The following AK8 variants were observed in gnomAD, a reference collection of about 807,000 sequenced individuals.
AK8 encodes the protein ATP-AMP transphosphorylase 8.
Under a neutral mutation model 54.6 loss-of-function variants are expected in AK8, and 44 were observed. The observed-to-expected ratio is 0.81, with a 90% CI of 0.63 to 1.04. The LOEUF is 1.04. Ranked by LOEUF, AK8 falls within the 50% of genes least tolerant of loss-of-function variation. The pLI is 0.00. For synonymous variants in AK8, 239 were observed against 245.6 expected (o/e 0.97, Z 0.25); for missense variants, 555 against 613.6 (o/e 0.90, Z 1.01).
At position 132,854,593 on chromosome 9, in the gene AK8, T is replaced by G. The variant is rs567337413; in HGVS notation, c.402+264A>C. On this transcript the variant is annotated intron_variant, in intron 5 of 12. Coordinates refer to ENST00000298545, the MANE Select transcript of AK8 (RefSeq NM_152572.3). ...CCCTCCCATGCTTCTGCGATTGTCC[T>G]GTCATTAAATGCTTTCCTGTGACCC... Among the ~76,000 whole-genome samples the G allele has an allele frequency of 1.3e-5, 2 of 152,378 alleles. 1 individual carries two copies. The highest frequency in any genetic ancestry group is 1.3e-4 in the Admixed American group (2 of 15,308).
chr9:132,829,130 G>C (rs530498750), intron 5 of AK8, among the ~76,000 whole-genome samples: 1 of 152,040 alleles, frequency 6.6e-6, no homozygotes, highest in South Asian at 2.1e-4. Context: ...CTAATTTTTT[G>C]TATTTTTAGT....
At chr9:132,848,360 A>C (rs1412565875) in intron 5 of AK8, among the ~76,000 whole-genome samples, 1 of 152,002 alleles carries the variant, frequency 6.6e-6, no homozygotes, top group African/African-American at 2.4e-5. Context: ...GGCACTTCCT[A>C]GGTAAAAGAG....
At chr9:132,850,896 T>TA (rs1842946964) in intron 5 of AK8, among the ~76,000 whole-genome samples, 4 of 128,566 alleles carry the variant, frequency 3.1e-5, no homozygotes, top group East Asian at 4.5e-4. Context: ...GTAGGTGCAT[T>TA]TAAAAAAAAA....
intron 11 of AK8, among the ~76,000 whole-genome samples, chr9:132,743,844 G>A (rs914517338): frequency 3.9e-5 from 6 of 152,234 alleles, no homozygotes; most frequent in African/African-American, 1.4e-4. Flanking sequence ...GGCTCTGAGA[G>A]GTGAAGTGTT....
intron 11 of AK8, among the ~76,000 whole-genome samples, chr9:132,738,752 C>CTTTTTT (rs754082140): frequency 8.3e-6 from 1 of 120,806 alleles, no homozygotes; most frequent in Admixed American, 8.9e-5. Context: ...ATGTTCATGA[C>CTTTTTT]TTTTTTTTTT....
intron 10 of AK8, among the ~76,000 whole-genome samples, chr9:132,798,000 AC>A (rs1465233490): frequency 3.3e-5 from 5 of 152,230 alleles, no homozygotes; most frequent in African/African-American, 1.2e-4. Flanking sequence ...GAACAGCAAC[AC>A]ATTTTGGCTC....
At chr9:132,800,988 G>C (rs906909224) in intron 10 of AK8, among the ~76,000 whole-genome samples, 1 of 149,698 alleles carries the variant, frequency 6.7e-6, no homozygotes, top group Non-Finnish European at 1.5e-5. Flanking sequence ...GCAGTGGCGC[G>C]ATTTCGGATC....
Position 132,727,533 on chromosome 9 carries a change from C to T in AK8, c.1123G>A (p.Val375Met). Reference sequence around the variant, plus strand: ...TCAAATGGCACATTCAGGAAAAACACCCTATAAGGAAATAAACCATATTAA... The same window carrying T: ...TCAAATGGCACATTCAGGAAAAACATCCTATAAGGAAATAAACCATATTAA... ...LNRLGYNPNR[V>M]FFLNVPFDSI... is the part of the protein sequence containing the mutation. The change falls in exon 12 of 13, where the codon GTG becomes ATG. Residue 375 changes from valine to methionine, a missense_variant and splice_region_variant. Coordinates refer to ENST00000298545, the MANE Select transcript of AK8 (RefSeq NM_152572.3). 1.2e-6 allele frequency: 2 copies of T among 1,613,242 alleles called. No individual in the cohort carries two copies. The highest frequency in any genetic ancestry group is 1.7e-6 in the Non-Finnish European group (2 of 1,179,236).
intron 2 of AK8, among the ~76,000 whole-genome samples, chr9:132,872,107 A>G (rs1843865159): frequency 6.6e-6 from 1 of 152,134 alleles, no homozygotes; most frequent in South Asian, 2.1e-4. Flanking sequence ...GGCCAAGGCA[A>G]GAGGATCACT....
At chr9:132,842,210 T>C (rs1158870182) in intron 5 of AK8, among the ~76,000 whole-genome samples, 1 of 152,178 alleles carries the variant, frequency 6.6e-6, no homozygotes, top group Non-Finnish European at 1.5e-5. Context: ...GGCTGCTGGA[T>C]TTTAAACACC....
intron 11 of AK8, among the ~76,000 whole-genome samples, chr9:132,760,690 T>G (rs1383629325): frequency 6.6e-6 from 1 of 152,178 alleles, no homozygotes; most frequent in Admixed American, 6.5e-5. Flanking sequence ...ATTTCACCAC[T>G]AAGACCTATG....
In AK8 at chr9:132,729,031, C is replaced by T. The variant is rs1439655454; in HGVS notation, c.1122-1497G>A. The stretch of plus-strand genomic sequence containing the variant: ...CTGAGTAGCTGGGACTACAGGTGTG[C>T]ACCACCCCACCCAGATAAGTTTTGT... On this transcript the variant is annotated intron_variant, in intron 11 of 12. Transcript: ENST00000298545. Among the ~76,000 whole-genome samples, 8 of 152,020 alleles carry T rather than the reference C, an allele frequency of 5.3e-5. No homozygotes were observed. In the East Asian group the frequency reaches 7.7e-4, roughly 15 times the overall value.
At chr9:132,747,844 G>T (rs529587043) in intron 11 of AK8, among the ~76,000 whole-genome samples, 1 of 150,046 alleles carries the variant, frequency 6.7e-6, no homozygotes, top group South Asian at 2.1e-4. Context: ...GGCTGGGCGT[G>T]GTGGCTCACA....
At chr9:132,830,972 T>C (rs1346401058) in intron 5 of AK8, among the ~76,000 whole-genome samples, 5 of 152,240 alleles carry the variant, frequency 3.3e-5, no homozygotes, top group Admixed American at 1.3e-4. Flanking sequence ...GATATAGGGC[T>C]GTGATCTACT....
intron 3 of AK8, among the ~76,000 whole-genome samples, chr9:132,866,045 T>C (rs1843581288): frequency 6.8e-6 from 1 of 147,698 alleles, no homozygotes; most frequent in African/African-American, 2.5e-5. Flanking sequence ...TAAAAATACA[T>C]AAATTAGCCG....
chr9:132,731,755 C>T (rs1476368477), intron 11 of AK8, among the ~76,000 whole-genome samples: 1 of 152,116 alleles, frequency 6.6e-6, no homozygotes, highest in African/African-American at 2.4e-5. Context: ...TGGTGCTGAC[C>T]CATCTGGGTT....
chr9:132,827,786 C>A (rs572743496), intron 7 of AK8: 8 of 544,044 alleles, frequency 1.5e-5, no homozygotes, highest in Non-Finnish European at 2.3e-5. Context: ...TCTGGTTCTG[C>A]CACAAGAAAG....
chr9:132,877,584 C>G (rs910338891), intron 1 of AK8, among the ~76,000 whole-genome samples: 1 of 152,142 alleles, frequency 6.6e-6, no homozygotes, highest in South Asian at 2.1e-4. Flanking sequence ...CAAAGTCACA[C>G]GGTGAGCTGG....
intron 5 of AK8, among the ~76,000 whole-genome samples, chr9:132,842,881 C>G (rs528661182): frequency 4.6e-5 from 7 of 152,344 alleles, no homozygotes; most frequent in Admixed American, 6.5e-5. Flanking sequence ...CCCTGCAGTT[C>G]CTAGAGACCA....
Sources: gnomAD v4.1 joint callset for allele counts (sites outside exome capture counted in the v4.1 genomes callset) on GRCh38, gnomAD v4.1.1 for gene constraint, MANE v1.5 for transcripts, NCBI Gene and HGNC (gene_info 2026-07-23, HGNC 2026-07-21) for gene names.